Variants in AMMECR1 observed in about 807,000 individuals in gnomAD.
AMMECR1 encodes nuclear protein AMMECR1.
AMMECR1 carries 3 observed loss-of-function variants against 22.5 expected under a neutral mutation model. The observed-to-expected ratio is 0.13, with a 90% CI of 0.06 to 0.35. The LOEUF is 0.35. Among genes scored for constraint, AMMECR1 ranks in the 10% least tolerant of loss-of-function variants. The pLI, the probability that AMMECR1 is intolerant of heterozygous loss-of-function variation, is 1.00. For synonymous variants in AMMECR1, 130 were observed against 116.7 expected (o/e 1.11, Z -0.74); for missense variants, 235 against 278.7 (o/e 0.84, Z 1.12).
At chrX:110,317,476 C>A in intron 1 of AMMECR1, 123 bp downstream of exon 1, 3 of 1,055,765 alleles carry the variant, frequency 2.8e-6, no homozygotes, top group Non-Finnish European at 3.7e-6. Context: ...TGAGTAGCTC[C>A]GGGGACCCGG....
intron 2 of AMMECR1, among the ~76,000 whole-genome samples, chrX:110,341,642 G>T (rs1448634845): frequency 1.8e-5 from 2 of 112,079 alleles, no homozygotes; most frequent in Admixed American, 9.5e-5. Context: ...TTATCAGATC[G>T]ACTGTTGTGG....
chrX:110,363,796 A>G (rs1033286000), intron 2 of AMMECR1, among the ~76,000 whole-genome samples: 9 of 111,459 alleles, frequency 8.1e-5, no homozygotes, highest in Non-Finnish European at 1.1e-4. Context: ...AACAGTCACC[A>G]TATAACAAGT....
chrX:110,228,360 C>T (rs562136422), intron 2 of AMMECR1, among the ~76,000 whole-genome samples: 6 of 111,015 alleles, frequency 5.4e-5, no homozygotes, highest in Non-Finnish European at 7.5e-5. Flanking sequence ...CAGCTAGAAG[C>T]GCTTAGAGAT....
chrX:110,329,138 C>T (rs1441889946), intron 2 of AMMECR1, among the ~76,000 whole-genome samples: 1 of 112,389 alleles, frequency 8.9e-6, no homozygotes, highest in Non-Finnish European at 1.9e-5. Context: ...TGTTTCCTGA[C>T]TTTTTACTGA....
Position 110,198,378 on chromosome X carries a change from G to C in AMMECR1, c.*142C>G, listed in dbSNP as rs1287729630. ...ACCCGTTACCATGATGATCTTAGTT[G>C]ACGATGTCGAAGCTTCACCATGGCA... is the stretch of plus-strand genomic sequence containing the variant. On this transcript the variant is annotated 3_prime_UTR_variant, in exon 6 of 6. Transcript: ENST00000262844. 2.5e-5 allele frequency: 8 copies of C among 318,748 alleles called. No individual in the cohort carries two copies. Among genetic ancestry groups the C allele is most frequent in the Non-Finnish European group, 4.4e-5 (8 of 180,857 alleles). 26.3% of individuals were successfully genotyped at this position (318,748 alleles called of 1,213,427 possible). A position where few individuals can be genotyped will look rare whatever the true frequency, so the allele number is the denominator to read the frequency against.
At chrX:110,412,966 G>GT (rs2068651181) in intron 2 of AMMECR1, among the ~76,000 whole-genome samples, 1 of 110,091 alleles carries the variant, frequency 9.1e-6, no homozygotes, top group African/African-American at 3.5e-5. Context: ...AACAAAAGAT[G>GT]TAAAGGGAAA....
Position 110,346,413 on chromosome X carries a change from A to G in AMMECR1, c.-147-28564T>C, listed in dbSNP as rs1489609702. Among the ~76,000 whole-genome samples the G allele has an allele frequency of 2.7e-5, 3 of 112,310 alleles. No individual in the cohort carries two copies. In the East Asian group the frequency reaches 8.3e-4, roughly 31 times the overall value. On this transcript the variant is annotated intron_variant, in intron 2 of 7. Coordinates refer to the AMMECR1 transcript ENST00000372057. ...GTATTCAAAGAAATAATAAACCACA[A>G]TAAGTTACTAGTTTTCACTAATATG...
At chrX:110,301,935 G>A (rs1445756818) in intron 1 of AMMECR1, among the ~76,000 whole-genome samples, 3 of 111,498 alleles carry the variant, frequency 2.7e-5, no homozygotes, top group Admixed American at 9.5e-5. Flanking sequence ...AGAAAAAGAA[G>A]AAAGAAATAG....
chrX:110,328,152 G>A (rs1025891623), intron 2 of AMMECR1, among the ~76,000 whole-genome samples: 1 of 112,204 alleles, frequency 8.9e-6, no homozygotes, highest in Non-Finnish European at 1.9e-5. Context: ...AAGGCCTAGT[G>A]ATTACTTTGA....
intron 2 of AMMECR1, among the ~76,000 whole-genome samples, chrX:110,384,009 C>G (rs2068437653): frequency 8.9e-6 from 1 of 112,050 alleles, no homozygotes. Context: ...TAGAACAGAA[C>G]CTGACACATT....
chrX:110,207,715 A>G (rs1011453441), intron 3 of AMMECR1, among the ~76,000 whole-genome samples: 2 of 112,366 alleles, frequency 1.8e-5, no homozygotes, highest in Non-Finnish European at 3.8e-5. Context: ...GTAAATTTTT[A>G]TAACAATGTT....
chrX:110,249,705 T>C (rs1001619504), intron 2 of AMMECR1, among the ~76,000 whole-genome samples: 1 of 111,828 alleles, frequency 8.9e-6, no homozygotes, highest in African/African-American at 3.2e-5. Context: ...ATCGAGACTA[T>C]CCTGGCCAAC....
chrX:110,430,963 T>C (rs769517032), intron 1 of AMMECR1, among the ~76,000 whole-genome samples: 7 of 112,093 alleles, frequency 6.2e-5, no homozygotes, highest in Non-Finnish European at 1.3e-4. Flanking sequence ...TACTTGTGTA[T>C]GATACTCAGG....
At chrX:110,256,632 C>T (rs1015146314) in intron 2 of AMMECR1, among the ~76,000 whole-genome samples, 3 of 110,829 alleles carry the variant, frequency 2.7e-5, no homozygotes, top group Non-Finnish European at 5.7e-5. Flanking sequence ...AAAGGACTTA[C>T]GATGCAATAA....
chrX:110,367,973 AATTATTATTATT>A (rs201193443), intron 2 of AMMECR1, among the ~76,000 whole-genome samples: 58 of 85,325 alleles, frequency 6.8e-4, no homozygotes, highest in South Asian at 4.4e-3. Flanking sequence ...AGTGCTGGCT[AATTATTATTATT>A]ATTATTATTA....
chrX:110,277,576 A>T (rs915258521), intron 1 of AMMECR1, among the ~76,000 whole-genome samples: 2 of 111,775 alleles, frequency 1.8e-5, no homozygotes, highest in Non-Finnish European at 3.8e-5. Flanking sequence ...ATAATAATAA[A>T]AAAAGAAAAA....
chrX:110,194,789 T>C lies in AMMECR1; in HGVS notation c.*3731A>G, dbSNP rs2067362376. ...ATAGCAATAAAAAACAAGGAAAACA[T>C]ATATTTGTATATAAAGGATCAATGC... On this transcript the variant is annotated 3_prime_UTR_variant, in exon 6 of 6. Transcript: ENST00000262844. The C allele has an allele frequency of 9.0e-6, 1 of 111,721 alleles. No individual in the cohort carries two copies. The highest frequency in any genetic ancestry group is 3.3e-5 in the African/African-American group (1 of 30,707). The allele number at this position is 111,721 out of a possible 1,213,427, so 9.2% of individuals were successfully genotyped here.
intron 1 of AMMECR1, among the ~76,000 whole-genome samples, chrX:110,269,354 A>G (rs933516988): frequency 8.9e-6 from 1 of 111,947 alleles, no homozygotes; most frequent in Non-Finnish European, 1.9e-5. Context: ...TATCAAGGCA[A>G]AACAGAGGTT....
intron 2 of AMMECR1, among the ~76,000 whole-genome samples, chrX:110,352,764 A>G (rs1408865886): frequency 8.9e-6 from 1 of 112,399 alleles, no homozygotes; most frequent in Non-Finnish European, 1.9e-5. Flanking sequence ...TTACTCATGC[A>G]GCTGCCAAGT....
Sources: allele counts gnomAD v4.1 joint callset (sites outside exome capture counted in the v4.1 genomes callset), GRCh38; gene constraint gnomAD v4.1.1; transcripts MANE v1.5; gene names NCBI Gene and HGNC (gene_info 2026-07-23, HGNC 2026-07-21).